Variants in GPAM observed in about 807,000 individuals in gnomAD.
The protein encoded by GPAM is glycerol-3-phosphate acyltransferase 1, mitochondrial.
A neutral mutation model predicts 105.0 loss-of-function variants in GPAM; 56 were observed. The ratio of observed to expected loss-of-function variants is 0.53; its 90% CI spans 0.43 to 0.67. The LOEUF (loss-of-function observed/expected upper bound fraction) is 0.67, where lower values mean the gene tolerates loss of function less well. GPAM is among the 30% of genes least tolerant of loss of function. The probability of loss-of-function intolerance (pLI) is 0.00; values close to 1 mark genes in which losing one functional copy is unlikely to be tolerated. For synonymous variants in GPAM, 368 were observed against 354.4 expected, an observed-to-expected ratio of 1.04 and a Z score of -0.43; for missense variants, 855 against 989.8, an observed-to-expected ratio of 0.86 and a Z score of 1.83.
intron 20 of GPAM, 194 bp from the exon 21 acceptor site, chr10:112,154,881 C>G: frequency 1.5e-6 from 1 of 649,422 alleles, no homozygotes. Context: ...ACTTTGCTTA[C>G]ACCTACTTTG....
intron 1 of GPAM, among the ~76,000 whole-genome samples, chr10:112,192,542 G>A (rs1054657551): frequency 6.6e-6 from 1 of 152,156 alleles, no homozygotes; most frequent in African/African-American, 2.4e-5. Context: ...CAAGACAGGA[G>A]CCCAGAGCAG....
chr10:112,181,280 T>C (rs1056380909), intron 3 of GPAM, among the ~76,000 whole-genome samples: 19 of 151,890 alleles, frequency 1.3e-4, no homozygotes, highest in African/African-American at 4.1e-4. Flanking sequence ...TCCAAGAAAA[T>C]GTACGCCTTT....
chr10:112,207,711 C>T (rs997876687), intron 1 of GPAM, among the ~76,000 whole-genome samples: 1 of 152,036 alleles, frequency 6.6e-6, no homozygotes, highest in Non-Finnish European at 1.5e-5. Flanking sequence ...TTCTATGTGC[C>T]AGGAGATGTG....
At chr10:112,184,279 C>T (rs1009339059), upstream of GPAM, among the ~76,000 whole-genome samples, 4 of 152,034 alleles carry the variant, frequency 2.6e-5, no homozygotes, top group Non-Finnish European at 4.4e-5. Flanking sequence ...GAAATAAGGG[C>T]TTTTTTCCCC....
chr10:112,225,393 G>A, the GPAM span, among the ~76,000 whole-genome samples: 2 of 152,286 alleles, frequency 1.3e-5, no homozygotes, highest in Admixed American at 1.3e-4. Flanking sequence ...AAAACTTCTG[G>A]GTACTGAGTA....
chr10:112,155,275 A>T (rs900196667), intron 20 of GPAM: 2 of 166,658 alleles, frequency 1.2e-5, no homozygotes, highest in African/African-American at 4.8e-5. Flanking sequence ...TAGTACTCCC[A>T]CCCCAATCAC....
chr10:112,181,142 G>T (rs1179971064), intron 3 of GPAM, among the ~76,000 whole-genome samples: 1 of 150,962 alleles, frequency 6.6e-6, no homozygotes, highest in Admixed American at 6.6e-5. Context: ...GAGCTCAGTT[G>T]CTCACATCTC....
At chr10:112,219,185 C>T (rs1441708876), upstream of GPAM, among the ~76,000 whole-genome samples, 1 of 152,190 alleles carries the variant, frequency 6.6e-6, no homozygotes, top group African/African-American at 2.4e-5. Flanking sequence ...AGCACCTGTC[C>T]AGTCCCAACC....
chr10:112,151,807 T>C lies in GPAM; in HGVS notation c.*1743A>G, dbSNP rs1846924888. The stretch of plus-strand genomic sequence containing the variant: ...AGGAACACCCAAGACTCCCTGGGTA[T>C]CCTCCAAATGTAGCCAAGAAAAGTG... On this transcript the variant is annotated 3_prime_UTR_variant, in exon 22 of 22. Coordinates refer to ENST00000348367, the MANE Select transcript of GPAM (RefSeq NM_001244949.2). 5.1e-6 allele frequency: 5 copies of C among 984,758 alleles called. No individual in the cohort carries two copies. Among genetic ancestry groups the C allele is most frequent in the African/African-American group, 1.7e-5 (1 of 57,218 alleles). The allele number at this position is 984,758 out of a possible 1,614,324, so 61.0% of individuals were successfully genotyped here.
upstream of GPAM, among the ~76,000 whole-genome samples, chr10:112,184,327 AAAT>A (rs1341110735): frequency 2.0e-5 from 3 of 152,254 alleles, no homozygotes; most frequent in Non-Finnish European, 4.4e-5. Flanking sequence ...TGAATATAGT[AAAT>A]AATAATGTAT....
At chr10:112,198,494 G>A (rs1232303763) in intron 1 of GPAM, among the ~76,000 whole-genome samples, 1 of 152,172 alleles carries the variant, frequency 6.6e-6, no homozygotes, top group African/African-American at 2.4e-5. Context: ...CAGAAAAAAA[G>A]TACATGTAAA....
chr10:112,213,761 A>G (rs1194341125), intron 1 of GPAM, among the ~76,000 whole-genome samples: 1 of 152,228 alleles, frequency 6.6e-6, no homozygotes, highest in Non-Finnish European at 1.5e-5. Flanking sequence ...AGGTTCGACC[A>G]TGGTGGGTCC....
At chr10:112,208,708 G>A (rs929655587) in intron 1 of GPAM, among the ~76,000 whole-genome samples, 2 of 152,096 alleles carry the variant, frequency 1.3e-5, no homozygotes, top group African/African-American at 4.8e-5. Flanking sequence ...AGTAAACCAA[G>A]GGATACTAAT....
intron 7 of GPAM, among the ~76,000 whole-genome samples, chr10:112,173,452 A>G (rs1291582353): frequency 6.6e-6 from 1 of 152,222 alleles, no homozygotes; most frequent in Non-Finnish European, 1.5e-5. Context: ...AGTCTAGGTG[A>G]GCAGATGTTA....
the GPAM span, among the ~76,000 whole-genome samples, chr10:112,223,147 C>A: frequency 6.6e-6 from 1 of 152,192 alleles, no homozygotes; most frequent in Non-Finnish European, 1.5e-5. Flanking sequence ...CTAATCCTTC[C>A]TTTGCTCTCT....
chr10:112,195,076 C>T (rs534789383), intron 1 of GPAM, among the ~76,000 whole-genome samples: 1 of 152,190 alleles, frequency 6.6e-6, no homozygotes, highest in African/African-American at 2.4e-5. Context: ...ACTGGCTACC[C>T]ATCCAGACAT....
chr10:112,182,941 T>C (rs920876100), intron 1 of GPAM, 50 bp from the exon 2 acceptor site: 1 of 152,242 alleles, frequency 6.6e-6, no homozygotes, highest in Non-Finnish European at 1.5e-5. Flanking sequence ...AGAGGCTCGT[T>C]TGTGCCAACA....
upstream of GPAM, among the ~76,000 whole-genome samples, chr10:112,216,959 C>T (rs1283375936): frequency 2.1e-5 from 3 of 140,104 alleles, no homozygotes; most frequent in Non-Finnish European, 4.5e-5. Context: ...TGTGTATCTC[C>T]ACTCCTTAAA....
Position 112,166,465 on chromosome 10 carries a change from A to G in GPAM, c.1158T>C (p.Ile386=). 1.2e-6 allele frequency: 2 copies of G among 1,612,652 alleles called. No homozygotes were observed. The highest frequency in any genetic ancestry group is 8.5e-7 in the Non-Finnish European group (1 of 1,178,632). ...AACCATAGTTTTTTCGTAACATTCT[A>G]ATAACACCTCTTGCTACACTCCACA... The part of the protein sequence containing the change: ...ESLWSVARGV[I]RMLRKNYGCV... The change falls in exon 12 of 22, where the codon ATT becomes ATC. Residue 386 remains isoleucine, a synonymous_variant. Transcript: ENST00000348367.
Sources: gnomAD v4.1 joint callset for allele counts (sites outside exome capture counted in the v4.1 genomes callset) on GRCh38, gnomAD v4.1.1 for gene constraint, MANE v1.5 for transcripts, NCBI Gene and HGNC (gene_info 2026-07-23, HGNC 2026-07-21) for gene names.